The following PCCA variants were observed in gnomAD, a reference collection of about 807,000 sequenced individuals.
The protein encoded by PCCA is propionyl-CoA carboxylase alpha chain, mitochondrial.
PCCA carries 74 observed loss-of-function variants against 101.3 expected under a neutral mutation model. The ratio of observed to expected loss-of-function variants is 0.73; its 90% CI spans 0.61 to 0.89. PCCA has a LOEUF of 0.89. Ranked by LOEUF, PCCA falls within the 40% of genes least tolerant of loss-of-function variation. PCCA has a pLI of 0.00. For synonymous variants in PCCA, 294 were observed against 313.6 expected (o/e 0.94, Z 0.66); for missense variants, 891 against 907.0 (o/e 0.98, Z 0.23).
At chr13:100,309,937 T>C (rs1348961988) in intron 16 of PCCA, 29 bp downstream of exon 16, 16 of 1,501,124 alleles carry the variant, frequency 1.1e-5, no homozygotes, top group Non-Finnish European at 1.5e-5. Context: ...ACTCGTTGGT[T>C]ATTGTATATG....
chr13:100,355,126 C>G (rs1244163948), intron 18 of PCCA, among the ~76,000 whole-genome samples: 1 of 152,052 alleles, frequency 6.6e-6, no homozygotes, highest in East Asian at 1.9e-4. Context: ...AATGAGGTTT[C>G]TCCTAGAGAT....
chr13:100,488,301 T>C (rs9582398), intron 21 of PCCA, among the ~76,000 whole-genome samples: 88,155 of 151,894 alleles, frequency 0.58, 26,021 homozygotes, highest in East Asian at 0.85. Flanking sequence ...CCATGTTGGT[T>C]GGGCTGGTCT....
intron 19 of PCCA, among the ~76,000 whole-genome samples, chr13:100,411,100 T>TA (rs971760948): frequency 1.1e-4 from 16 of 152,314 alleles, no homozygotes; most frequent in African/African-American, 3.6e-4. Flanking sequence ...ATTTTTTTTT[T>TA]AATCAGTAGA....
chr13:100,207,230 T>A (rs1250335409), intron 6 of PCCA, among the ~76,000 whole-genome samples: 1 of 152,190 alleles, frequency 6.6e-6, no homozygotes, highest in African/African-American at 2.4e-5. Context: ...ATCCACATTG[T>A]CACTCAAAGA....
chr13:100,425,897 G>GT (rs2079110157), intron 20 of PCCA, among the ~76,000 whole-genome samples, 166 bp downstream of exon 20: 1 of 152,128 alleles, frequency 6.6e-6, no homozygotes. Flanking sequence ...AGGATCTTAA[G>GT]TTTTAACCTG....
intron 21 of PCCA, among the ~76,000 whole-genome samples, chr13:100,464,041 TCAG>T (rs953386789): frequency 1.3e-5 from 2 of 152,208 alleles, no homozygotes; most frequent in African/African-American, 4.8e-5. Context: ...TCTACATATG[TCAG>T]CTTACTTGAT....
chr13:100,124,088 T>C (rs541326360), intron 4 of PCCA, among the ~76,000 whole-genome samples: 2 of 152,212 alleles, frequency 1.3e-5, no homozygotes, highest in Non-Finnish European at 2.9e-5. Flanking sequence ...AAGACTAGTA[T>C]GTCTTTCCAC....
intron 21 of PCCA, among the ~76,000 whole-genome samples, chr13:100,496,022 T>C (rs1011356139): frequency 1.3e-5 from 2 of 152,208 alleles, no homozygotes; most frequent in Non-Finnish European, 2.9e-5. Flanking sequence ...AAATAATTGG[T>C]ATCTTCTGAA....
intron 20 of PCCA, among the ~76,000 whole-genome samples, chr13:100,447,024 T>C (rs954477692): frequency 1.3e-5 from 2 of 152,214 alleles, no homozygotes; most frequent in Non-Finnish European, 2.9e-5. Flanking sequence ...TAAACTACAC[T>C]GTGATATTTG....
At chr13:100,157,751 C>T (rs73570965) in intron 6 of PCCA, among the ~76,000 whole-genome samples, 3,587 of 152,118 alleles carry the variant, frequency 0.024, 146 homozygotes, top group African/African-American at 0.082. Context: ...ATCTAAATGT[C>T]CCCTTCCAGC....
intron 17 of PCCA, 120 bp from the exon 18 acceptor site, chr13:100,340,037 T>A: frequency 1.4e-6 from 1 of 722,728 alleles, no homozygotes; most frequent in Non-Finnish European, 2.5e-6. Context: ...AGTACAATCC[T>A]AGCTGCATAA....
intron 22 of PCCA, among the ~76,000 whole-genome samples, chr13:100,526,006 A>G (rs904489768): frequency 1.2e-4 from 18 of 152,202 alleles, no homozygotes; most frequent in African/African-American, 4.3e-4. Flanking sequence ...CCTAGGTCAG[A>G]GTCAGTCGCA....
intron 21 of PCCA, among the ~76,000 whole-genome samples, chr13:100,511,468 G>C (rs896290917): frequency 1.3e-5 from 2 of 152,174 alleles, no homozygotes; most frequent in African/African-American, 4.8e-5. Flanking sequence ...CTTAGTGAGG[G>C]GTGCATGGAC....
intron 19 of PCCA, among the ~76,000 whole-genome samples, chr13:100,370,437 G>T (rs1052135761): frequency 6.6e-6 from 1 of 151,842 alleles, no homozygotes; most frequent in African/African-American, 2.4e-5. Context: ...CTGCATACGT[G>T]GTATCTTTCA....
intron 1 of PCCA, among the ~76,000 whole-genome samples, chr13:100,101,316 A>C (rs2047259955): frequency 6.6e-6 from 1 of 152,220 alleles, no homozygotes; most frequent in Non-Finnish European, 1.5e-5. Flanking sequence ...GTTAAATCTT[A>C]TAACCATTAC....
intron 23 of PCCA, 65 bp downstream of exon 23, chr13:100,527,817 C>T (rs2275308): frequency 7.5e-5 from 91 of 1,212,768 alleles, no homozygotes; most frequent in South Asian, 3.5e-4. Context: ...ACCTTTGAAT[C>T]GTGGGTGGTT....
chr13:100,210,744 A>G (rs2059161084), intron 7 of PCCA, among the ~76,000 whole-genome samples: 1 of 152,194 alleles, frequency 6.6e-6, no homozygotes, highest in Admixed American at 6.5e-5. Context: ...TCTTCATTTC[A>G]GCATTTCGTA....
intron 12 of PCCA, among the ~76,000 whole-genome samples, chr13:100,297,100 G>A (rs2065603931): frequency 6.6e-6 from 1 of 152,178 alleles, no homozygotes; most frequent in Admixed American, 6.6e-5. Context: ...ATTCTGGGCA[G>A]GAATAGAAAT....
In PCCA at chr13:100,279,485, G is replaced by GT. The variant is rs551747174; in HGVS notation, c.1065+6148dup. Among the ~76,000 whole-genome samples the GT allele has an allele frequency of 1.3e-3, 194 of 150,726 alleles. 2 individuals are homozygous for GT. The highest frequency in any genetic ancestry group is 2.7e-3 in the African/African-American group (111 of 41,106). On this transcript the variant is annotated intron_variant, in intron 12 of 23. Transcript: ENST00000376285. Reference sequence around the variant, plus strand: ...TGATATTGTTTAAACAATCCAATTTGTTTTTTTTTGAGACGGAGTCTTGCT... The same window carrying GT: ...TGATATTGTTTAAACAATCCAATTTGTTTTTTTTTTGAGACGGAGTCTTGCT...
Sources: allele counts gnomAD v4.1 joint callset (sites outside exome capture counted in the v4.1 genomes callset), GRCh38; gene constraint gnomAD v4.1.1; transcripts MANE v1.5; gene names NCBI Gene and HGNC (gene_info 2026-07-23, HGNC 2026-07-21).